UTRN: variants seen among roughly 807,000 people sequenced by gnomAD.
The protein encoded by UTRN is utrophin.
Under a neutral mutation model 463.9 loss-of-function variants are expected in UTRN, and 283 were observed. The ratio of observed to expected loss-of-function variants is 0.61; its 90% CI spans 0.55 to 0.67. UTRN has a LOEUF of 0.67. UTRN is among the 30% of genes least tolerant of loss of function. UTRN has a pLI of 0.00. For missense variants in UTRN, 3,922 were observed against 4,084.3 expected (o/e 0.96, Z 1.08); for synonymous variants, 1,442 against 1,431.5 (o/e 1.01, Z -0.17).
chr6:144,754,889 A>G, intron 57 of UTRN, 91 bp downstream of exon 57: 1 of 1,263,832 alleles, frequency 7.9e-7, no homozygotes, highest in Non-Finnish European at 1.1e-6. Context: ...CCTTGCTATA[A>G]ATATGTTTAT....
rs1797807859 is a variant in UTRN at position 144,539,414 on chromosome 6, T to C, written c.6490T>C (p.Leu2164=). ...TGAAAGGGATAAAATTTCAGAAAGC[T>C]TAAGGACTGTAAATATGACATGGAA... The part of the protein sequence containing the change: ...LPERDKISES[L]RTVNMTWNKI... The change falls in exon 45 of 75, where the codon TTA becomes CTA. Residue 2164 remains leucine (L), a synonymous_variant. Transcript: ENST00000367545. 6.2e-7 allele frequency: 1 copy of C among 1,611,756 alleles called. No individual in the cohort carries two copies. The highest frequency in any genetic ancestry group is 1.7e-5 in the Admixed American group (1 of 59,700).
intron 51 of UTRN, among the ~76,000 whole-genome samples, chr6:144,676,634 T>C (rs2128682165): frequency 6.6e-6 from 1 of 152,226 alleles, no homozygotes; most frequent in African/African-American, 2.4e-5. Flanking sequence ...CATTAACCCG[T>C]CATCTACATT....
intron 2 of UTRN, among the ~76,000 whole-genome samples, chr6:144,311,463 A>T (rs1284681488): frequency 6.6e-6 from 1 of 152,180 alleles, no homozygotes. Flanking sequence ...TGCCCTATTT[A>T]AAAAAAGAGC....
At position 144,529,969 on chromosome 6, in the gene UTRN, T is replaced by C. The variant is rs555983779; in HGVS notation, c.5907-1083T>C. 2.6e-5 allele frequency among the ~76,000 whole-genome samples: 4 copies of C among 152,328 alleles called. No homozygotes were observed. The South Asian group carries it at 8.3e-4, about 32-fold the overall frequency. ...ATATAACAAGCACTGGGTTTTACTT[T>C]GCCATCTTTAAAAGAGTTTGGTTTA... On this transcript the variant is annotated intron_variant, in intron 41 of 74. Transcript: ENST00000367545.
intron 48 of UTRN, among the ~76,000 whole-genome samples, chr6:144,553,681 C>T (rs761031994): frequency 8.5e-5 from 13 of 152,084 alleles, no homozygotes; most frequent in Non-Finnish European, 1.5e-4. Flanking sequence ...CTTTGGGAGG[C>T]CGAGGCAGAC....
chr6:144,433,320 C>T (rs1310924770), intron 9 of UTRN, among the ~76,000 whole-genome samples: 37 of 145,738 alleles, frequency 2.5e-4, no homozygotes, highest in East Asian at 1.3e-3. Context: ...GGGGGCTGAA[C>T]CCCCCACCTC....
intron 65 of UTRN, among the ~76,000 whole-genome samples, chr6:144,809,028 G>T (rs1436722523): frequency 2.0e-5 from 3 of 152,110 alleles, no homozygotes; most frequent in African/African-American, 7.2e-5. Flanking sequence ...GTACCCAGAA[G>T]TGGGATTACT....
intron 33 of UTRN, among the ~76,000 whole-genome samples, chr6:144,493,814 A>G (rs1793301892): frequency 6.6e-6 from 1 of 152,068 alleles, no homozygotes. Flanking sequence ...ACAAAAAAAT[A>G]CAAATGAAAA....
intron 43 of UTRN, 44 bp downstream of exon 43, chr6:144,533,304 T>G: frequency 6.3e-7 from 1 of 1,593,376 alleles, no homozygotes; most frequent in South Asian, 1.1e-5. Flanking sequence ...GTGAACATAT[T>G]TTGGATAGAA....
At chr6:144,777,702 G>A (rs947014859) in intron 60 of UTRN, among the ~76,000 whole-genome samples, 4 of 152,178 alleles carry the variant, frequency 2.6e-5, no homozygotes, top group Admixed American at 2.6e-4. Flanking sequence ...GAGGGGGAGA[G>A]TCCTCTCATT....
intron 2 of UTRN, among the ~76,000 whole-genome samples, chr6:144,337,880 G>T (rs960995614): frequency 6.6e-6 from 1 of 152,198 alleles, no homozygotes; most frequent in Non-Finnish European, 1.5e-5. Context: ...TTCCTAAAGT[G>T]CTGGGATTAT....
At chr6:144,718,754 C>T (rs777951523) in intron 53 of UTRN, among the ~76,000 whole-genome samples, 18 of 152,302 alleles carry the variant, frequency 1.2e-4, no homozygotes, top group Non-Finnish European at 2.4e-4. Flanking sequence ...ATTGGCTTTC[C>T]GCTATACCTG....
chr6:144,436,645 TG>T (rs1043138013), intron 10 of UTRN, among the ~76,000 whole-genome samples: 29 of 151,446 alleles, frequency 1.9e-4, no homozygotes, highest in African/African-American at 7.0e-4. Flanking sequence ...ATTTTTCTTT[TG>T]TATAGTTATG....
intron 49 of UTRN, among the ~76,000 whole-genome samples, chr6:144,556,091 A>T (rs1217350119): frequency 6.6e-6 from 1 of 152,232 alleles, no homozygotes; most frequent in African/African-American, 2.4e-5. Flanking sequence ...ATAAAATTAT[A>T]AAATATTCTT....
intron 2 of UTRN, among the ~76,000 whole-genome samples, chr6:144,371,653 C>T (rs558211166): frequency 4.6e-5 from 7 of 152,210 alleles, no homozygotes; most frequent in Admixed American, 6.5e-5. Flanking sequence ...GGTGATCTGC[C>T]GTCCTCGGCC....
At chr6:144,326,572 A>G (rs1397046959) in intron 2 of UTRN, among the ~76,000 whole-genome samples, 1 of 152,186 alleles carries the variant, frequency 6.6e-6, no homozygotes, top group Non-Finnish European at 1.5e-5. Context: ...CTTGTGGTAT[A>G]TTTAGCTCAC....
rs1335885054 is a variant in UTRN at position 144,548,821 on chromosome 6, A to G, written c.6777A>G (p.Val2259=). 1.9e-6 allele frequency: 3 copies of G among 1,613,914 alleles called. No individual in the cohort carries two copies. The East Asian group carries it at 6.7e-5, about 36-fold the overall frequency. Residue 2259 remains valine, a synonymous_variant, in exon 47 of 75, where the codon GTA becomes GTG. Transcript: ENST00000367545. The part of the protein sequence containing the change: ...LKSNIVTVGD[V]EEINKTVSRM... ...CCAACATTGTCACTGTTGGGGATGT[A>G]GAAGAGATCAATAAGACCGTTTCCC...
intron 46 of UTRN, among the ~76,000 whole-genome samples, chr6:144,544,145 G>A (rs1798206026): frequency 6.6e-6 from 1 of 152,166 alleles, no homozygotes; most frequent in African/African-American, 2.4e-5. Context: ...CCATTAGGTG[G>A]ATGGCTCATT....
intron 2 of UTRN, among the ~76,000 whole-genome samples, chr6:144,306,830 C>A (rs941658339): frequency 6.6e-6 from 1 of 150,668 alleles, no homozygotes; most frequent in African/African-American, 2.4e-5. Flanking sequence ...CCGAGGCGGG[C>A]GGATCACCTG....
Sources: allele counts gnomAD v4.1 joint callset (sites outside exome capture counted in the v4.1 genomes callset), GRCh38; gene constraint gnomAD v4.1.1; transcripts MANE v1.5; gene names NCBI Gene and HGNC (gene_info 2026-07-23, HGNC 2026-07-21).